Variants in NPC1L1 observed in about 807,000 individuals in gnomAD.
The protein encoded by NPC1L1 is NPC1-like intracellular cholesterol transporter 1.
NPC1L1 carries 98 observed loss-of-function variants against 117.0 expected under a neutral mutation model. The ratio of observed to expected loss-of-function variants is 0.84; its 90% CI spans 0.71 to 0.99. The LOEUF (loss-of-function observed/expected upper bound fraction) is 0.99, where lower values mean the gene tolerates loss of function less well. Ranked by LOEUF, NPC1L1 falls within the 50% of genes least tolerant of loss-of-function variation. NPC1L1 has a pLI of 0.00. For synonymous variants in NPC1L1, 729 were observed against 727.6 expected, an observed-to-expected ratio of 1.00 and a Z score of -0.03; for missense variants, 1,540 against 1,710.0, an observed-to-expected ratio of 0.90 and a Z score of 1.75.
intron 10 of NPC1L1, among the ~76,000 whole-genome samples, chr7:44,522,768 C>A (rs955443918): frequency 6.6e-6 from 1 of 152,196 alleles, no homozygotes; most frequent in African/African-American, 2.4e-5. Context: ...CATGAACACA[C>A]ACTGACACAC....
chr7:44,515,033 T>C (rs1801143877), intron 18 of NPC1L1, among the ~76,000 whole-genome samples: 1 of 147,704 alleles, frequency 6.8e-6, no homozygotes, highest in African/African-American at 2.5e-5. Context: ...AATAAAATAA[T>C]GTAAAGTAAA....
intron 10 of NPC1L1, among the ~76,000 whole-genome samples, chr7:44,529,246 T>C (rs576650584): frequency 3.9e-5 from 6 of 152,030 alleles, no homozygotes; most frequent in Admixed American, 3.3e-4. Context: ...TCTAACTATA[T>C]GCTGTCTCCA....
At position 44,539,667 on chromosome 7, in the gene NPC1L1, T is replaced by G. The variant is rs764670739; in HGVS notation, c.730A>C (p.Asn244His). 3 of 1,613,796 alleles carry G rather than the reference T, an allele frequency of 1.9e-6. No individual in the cohort carries two copies. Among genetic ancestry groups the G allele is most frequent in the Non-Finnish European group, 2.5e-6 (3 of 1,180,034 alleles). The change falls in exon 2 of 19, where the codon AAT becomes CAT. Residue 244 changes from asparagine to histidine, a missense_variant. Coordinates refer to ENST00000381160, the MANE Select transcript of NPC1L1 (RefSeq NM_001101648.2). This position sits in a 1 kb window ranked among gnomAD's most constrained non-coding sequence, Gnocchi z 4.4. ...QPLNEGVARC[N>H]ESQGDDVATC... ...GCCACGTCGTCACCTTGGGACTCAT[T>G]GCAACGTGCAACCCCCTCATTCAGA...
Position 44,513,540 on chromosome 7 carries a change from A to G in NPC1L1, c.3906T>C (p.Ala1302=), listed in dbSNP as rs114488279. The G allele has an allele frequency of 6.2e-7, 1 of 1,614,078 alleles. No homozygotes were observed. The highest frequency in any genetic ancestry group is 1.3e-5 in the African/African-American group (1 of 74,942). Residue 1302 remains alanine (A), a synonymous_variant, in exon 19 of 19, where the codon GCT becomes GCC. Coordinates refer to ENST00000381160, the MANE Select transcript of NPC1L1 (RefSeq NM_001101648.2). ...AGCTGTGGTTGACATAGATGTTGTC[A>G]GCTGTGGAGACTCGGGAGGGGTGAT... ...CPNHPSRVST[A]DNIYVNHSFE...
At position 44,513,089 on chromosome 7, in the gene NPC1L1, G is replaced by T; in HGVS notation, c.*358C>A. On this transcript the variant is annotated 3_prime_UTR_variant, in exon 19 of 19. Coordinates refer to ENST00000381160, the MANE Select transcript of NPC1L1 (RefSeq NM_001101648.2). The stretch of plus-strand genomic sequence containing the variant: ...TTACTGACACAGAATTAAGACTTTC[G>T]AGAGAGGAACTGAGAAGGGAAAAGT... The T allele has an allele frequency of 2.8e-6, 1 of 363,350 alleles. No individual in the cohort carries two copies. Among genetic ancestry groups the T allele is most frequent in the Non-Finnish European group, 5.3e-6 (1 of 187,628 alleles). The allele number at this position is 363,350 out of a possible 1,614,324, so 22.5% of individuals were successfully genotyped here.
chr7:44,527,710 G>C (rs987152231), intron 10 of NPC1L1, among the ~76,000 whole-genome samples: 2 of 151,842 alleles, frequency 1.3e-5, no homozygotes, highest in African/African-American at 4.8e-5. Flanking sequence ...CCTGGCAAAG[G>C]TAAATAAATG....
chr7:44,540,072 G>A lies in NPC1L1; in HGVS notation c.325C>T (p.Leu109Phe). ...GAGCAGGCTGGGCAGCGGGTGAGGAGGGCCTTGGTGATCGACAGACTCGCT... is the reference window on the plus strand; with the variant it reads ...GAGCAGGCTGGGCAGCGGGTGAGGAAGGCCTTGGTGATCGACAGACTCGCT... ...LEASLSITKA[L>F]LTRCPACSDN... The change falls in exon 2 of 19, where the codon CTC becomes TTC. Residue 109 changes from leucine (L) to phenylalanine (F), a missense_variant. By Grantham distance (22) the Leu-to-Phe change is conservative (BLOSUM62 0). This residue lies in a region of NPC1L1 where 793 missense variants were observed against 820.4 expected (regional missense o/e 0.97). Transcript: ENST00000381160. The A allele has an allele frequency of 6.2e-7, 1 of 1,614,228 alleles. No homozygotes were observed.
chr7:44,526,839 C>T (rs186025593), intron 10 of NPC1L1, among the ~76,000 whole-genome samples: 56 of 151,954 alleles, frequency 3.7e-4, no homozygotes, highest in African/African-American at 1.3e-3. Flanking sequence ...GCCTGGCCAA[C>T]ATGGTAAAAC....
At chr7:44,517,633 G>A (rs986666831) in intron 14 of NPC1L1, among the ~76,000 whole-genome samples, 19 of 152,154 alleles carry the variant, frequency 1.2e-4, no homozygotes, top group Admixed American at 3.9e-4. Flanking sequence ...CTAGTGAACC[G>A]AGATTCTTCT....
rs1164074780 is a variant in NPC1L1 at position 44,536,923 on chromosome 7, C to T, written c.1600G>A (p.Asp534Asn). 1 of 1,614,038 alleles carries T rather than the reference C, an allele frequency of 6.2e-7. No homozygotes were observed. The highest frequency in any genetic ancestry group is 8.5e-7 in the Non-Finnish European group (1 of 1,179,956). The change falls in exon 3 of 19, where the codon GAT becomes AAT. Residue 534 changes from aspartate (D) to asparagine (N), a missense_variant. Physicochemically the swap from Asp to Asn is conservative, Grantham distance 23. Coordinates refer to ENST00000381160, the MANE Select transcript of NPC1L1 (RefSeq NM_001101648.2). The surrounding 1 kb of genome is among the most constrained non-coding windows in gnomAD (Gnocchi z 4.7). ...CAGCTCAGGGCCAGGGCTGTGCCATCCTTGAAGGTGAGCGGGGCACTAGAG... is the reference window on the plus strand; with the variant it reads ...CAGCTCAGGGCCAGGGCTGTGCCATTCTTGAAGGTGAGCGGGGCACTAGAG... ...YCANAPLTFK[D>N]GTALALSCMA...
At chr7:44,523,723 TG>T (rs1447541491) in intron 10 of NPC1L1, among the ~76,000 whole-genome samples, 1 of 152,100 alleles carries the variant, frequency 6.6e-6, no homozygotes, top group Non-Finnish European at 1.5e-5. Flanking sequence ...AAAAGTTAGC[TG>T]GGTGTGGTGG....
chr7:44,536,908 C>A lies in NPC1L1; in HGVS notation c.1615G>T (p.Ala539Ser), dbSNP rs1475245484. 2 of 1,614,084 alleles carry A rather than the reference C, an allele frequency of 1.2e-6. No homozygotes were observed. The highest frequency in any genetic ancestry group is 1.7e-5 in the Admixed American group (1 of 60,028). Residue 539 changes from alanine (A) to serine (S), a missense_variant, in exon 3 of 19, where the codon GCC becomes TCC. By Grantham distance (99) the Ala-to-Ser change is moderately conservative. Around this residue, in one of 3 missense-constraint regions of NPC1L1, gnomAD observed 793 missense variants for 820.4 expected, o/e 0.97. Coordinates refer to ENST00000381160, the MANE Select transcript of NPC1L1 (RefSeq NM_001101648.2). This position sits in a 1 kb window ranked among gnomAD's most constrained non-coding sequence, Gnocchi z 4.7. ...CCGTAGTCAGCCATGCAGCTCAGGG[C>A]CAGGGCTGTGCCATCCTTGAAGGTG... is the stretch of plus-strand genomic sequence containing the variant. The part of the protein sequence containing the change: ...PLTFKDGTAL[A>S]LSCMADYGAP...
At chr7:44,521,667 G>T (rs765906302) in intron 12 of NPC1L1, 45 bp downstream of exon 12, 5 of 1,613,404 alleles carry the variant, frequency 3.1e-6, no homozygotes, top group Admixed American at 1.7e-5. Flanking sequence ...GCCTCAGTTT[G>T]CCCGAGCTGT....
At chr7:44,516,606 T>TA in intron 16 of NPC1L1, 97 bp downstream of exon 16, 6 of 1,045,712 alleles carry the variant, frequency 5.7e-6, no homozygotes, top group Non-Finnish European at 8.7e-6. Flanking sequence ...ACCCTGCCTC[T>TA]AAAAAAAGAA....
At chr7:44,525,738 A>C (rs1436635382) in intron 10 of NPC1L1, among the ~76,000 whole-genome samples, 1 of 152,192 alleles carries the variant, frequency 6.6e-6, no homozygotes, top group Non-Finnish European at 1.5e-5. Flanking sequence ...AAAATAAAAT[A>C]AGTTTTTTAA....
Position 44,539,358 on chromosome 7 carries a change from A to T in NPC1L1, c.1039T>A (p.Trp347Arg). The change falls in exon 2 of 19, where the codon TGG becomes AGG. Residue 347 changes from tryptophan (W) to arginine (R), a missense_variant. Trp to Arg is a moderately radical substitution (Grantham distance 101). Coordinates refer to ENST00000381160, the MANE Select transcript of NPC1L1 (RefSeq NM_001101648.2). The surrounding 1 kb of genome is among the most constrained non-coding windows in gnomAD (Gnocchi z 4.4). ...LGQFFQGWGT[W>R]VASWPLTILV... ...ATGGTCAGAGGCCACGAAGCCACCC[A>T]CGTGCCCCAGCCCTGGAAGAACTGG... 6.2e-7 allele frequency: 1 copy of T among 1,613,378 alleles called. No individual in the cohort carries two copies. The highest frequency in any genetic ancestry group is 8.5e-7 in the Non-Finnish European group (1 of 1,179,416).
In NPC1L1 at chr7:44,515,507, T is replaced by C. The variant is rs1261175227; in HGVS notation, c.3796+296A>G. 5.3e-5 allele frequency among the ~76,000 whole-genome samples: 8 copies of C among 152,202 alleles called. 1 individual carries two copies. Among genetic ancestry groups the C allele is most frequent in the Non-Finnish European group, 4.4e-5 (3 of 68,040 alleles). Reference sequence around the variant, plus strand: ...ATGTCACCTCTCTGTGTAAAATATATTTCTTGCTGAAGGGCATGCTTAAAA... The same window carrying C: ...ATGTCACCTCTCTGTGTAAAATATACTTCTTGCTGAAGGGCATGCTTAAAA... On this transcript the variant is annotated intron_variant, in intron 18 of 18. Coordinates refer to ENST00000381160, the MANE Select transcript of NPC1L1 (RefSeq NM_001101648.2).
Position 44,539,245 on chromosome 7 carries a change from C to G in NPC1L1, c.1152G>C (p.Ser384=). 2 of 1,614,032 alleles carry G rather than the reference C, an allele frequency of 1.2e-6. No homozygotes were observed. Among genetic ancestry groups the G allele is most frequent in the Non-Finnish European group, 1.7e-6 (2 of 1,180,028 alleles). Residue 384 remains serine (S), a synonymous_variant, in exon 2 of 19, where the codon TCG becomes TCC. Coordinates refer to ENST00000381160, the MANE Select transcript of NPC1L1 (RefSeq NM_001101648.2). The surrounding 1 kb of genome is among the most constrained non-coding windows in gnomAD (Gnocchi z 4.4). ...CACTCCGGGCTTGGCTGTTGGGGGC[C>G]GACCACAGCTCCACGGGGTCCGTAG... The part of the protein sequence containing the change: ...ELTTDPVELW[S]APNSQARSEK...
chr7:44,520,844 C>G, intron 13 of NPC1L1, 24 bp from the exon 14 acceptor site: 1 of 1,614,074 alleles, frequency 6.2e-7, no homozygotes. Context: ...AGGGCAAAGG[C>G]TTAGCCAGGG....
Sources: allele counts gnomAD v4.1 joint callset (sites outside exome capture counted in the v4.1 genomes callset), GRCh38; gene constraint gnomAD v4.1.1; regional missense constraint gnomAD v4.1.1; non-coding constraint Gnocchi (gnomAD v3.1); transcripts MANE v1.5; gene names NCBI Gene and HGNC (gene_info 2026-07-23, HGNC 2026-07-21).